The following GLIS1 variants were observed in gnomAD, a reference collection of about 807,000 sequenced individuals.
GLIS1 encodes the protein GLIS family zinc finger 1.
A neutral mutation model predicts 63.8 loss-of-function variants in GLIS1; 24 were observed. That is an observed-to-expected ratio of 0.38 (90% CI 0.27 to 0.53). GLIS1 has a LOEUF of 0.53. Among genes scored for constraint, GLIS1 ranks in the 20% least tolerant of loss-of-function variants. The pLI, the probability that GLIS1 is intolerant of heterozygous loss-of-function variation, is 0.85. For missense variants in GLIS1, 1,036 were observed against 1,074.1 expected (o/e 0.96, Z 0.50); for synonymous variants, 450 against 482.5 (o/e 0.93, Z 0.88).
In GLIS1 at chr1:53,545,890, C is replaced by T. The variant is rs76420577; in HGVS notation, c.1321-15938G>A. 7.9e-4 allele frequency among the ~76,000 whole-genome samples: 121 copies of T among 152,314 alleles called. No individual in the cohort carries two copies. The East Asian group carries it at 0.012, about 15-fold the overall frequency. The stretch of plus-strand genomic sequence containing the variant: ...CCCCTGCTGCATCTGGAGCCAGATC[C>T]GGTCCATGCGCTGGCTCCTGTCCTA... On this transcript the variant is annotated intron_variant, in intron 4 of 10. Transcript: ENST00000628545.
rs1644619874 is a variant in GLIS1, at chr1:53,539,546, A to AT, written c.1321-9595_1321-9594insA. ...CACACACACATACCACACGGTATAC[A>AT]CCCCCCCACACACACTACACATCAT... On this transcript the variant is annotated intron_variant, in intron 4 of 10. Coordinates refer to ENST00000628545, the MANE Select transcript of GLIS1 (RefSeq NM_001367484.1). The surrounding 1 kb of genome is among the most constrained non-coding windows in gnomAD (Gnocchi z 5.0). Among the ~76,000 whole-genome samples the AT allele has an allele frequency of 6.8e-6, 1 of 146,352 alleles. No homozygotes were observed. Among genetic ancestry groups the AT allele is most frequent in the Non-Finnish European group, 1.5e-5 (1 of 66,542 alleles).
chr1:53,623,194 T>C (rs1457116357), intron 2 of GLIS1, among the ~76,000 whole-genome samples: 1 of 152,206 alleles, frequency 6.6e-6, no homozygotes, highest in Non-Finnish European at 1.5e-5. Flanking sequence ...AATTCAGCAA[T>C]ATATATTAAT....
chr1:53,529,721 C>T, intron 5 of GLIS1, 70 bp downstream of exon 5: 1 of 1,509,208 alleles, frequency 6.6e-7, no homozygotes, highest in Non-Finnish European at 9.0e-7. Context: ...GGCAGGGGCT[C>T]TGCACTGAAT....
chr1:53,557,190 G>A lies in GLIS1; in HGVS notation c.1321-27238C>T, dbSNP rs374261371. On this transcript the variant is annotated intron_variant, in intron 4 of 10. Transcript: ENST00000628545. Reference sequence around the variant, plus strand: ...CCAGAATGAGCCCACAGCCATGGCTGGGACTGGAATGAAGTGTGTCCATTC... The same window carrying A: ...CCAGAATGAGCCCACAGCCATGGCTAGGACTGGAATGAAGTGTGTCCATTC... 1.3e-4 allele frequency among the ~76,000 whole-genome samples: 20 copies of A among 152,226 alleles called. 2 individuals are homozygous for A. The South Asian group carries it at 1.9e-3, about 14-fold the overall frequency.
chr1:53,586,380 G>A (rs1364223479), intron 4 of GLIS1, among the ~76,000 whole-genome samples: 7 of 152,192 alleles, frequency 4.6e-5, no homozygotes, highest in African/African-American at 1.7e-4. Context: ...ACAGCCAAGC[G>A]ACGCATCCAA....
intron 4 of GLIS1, among the ~76,000 whole-genome samples, chr1:53,542,954 G>A (rs1644659369): frequency 6.6e-6 from 1 of 152,212 alleles, no homozygotes; most frequent in South Asian, 2.1e-4. Context: ...CCAAAGATGG[G>A]GCAGGATGGT....
chr1:53,672,675 G>T (rs1431992367), intron 2 of GLIS1, among the ~76,000 whole-genome samples: 2 of 152,204 alleles, frequency 1.3e-5, no homozygotes, highest in Non-Finnish European at 2.9e-5. Flanking sequence ...CCTTGCATTT[G>T]CAGGTCTCTG....
At chr1:53,717,252 T>C (rs996716981) in intron 2 of GLIS1, among the ~76,000 whole-genome samples, 5 of 152,200 alleles carry the variant, frequency 3.3e-5, no homozygotes, top group Non-Finnish European at 5.9e-5. Context: ...CTCTATCACC[T>C]CTTTGATGTG....
intron 4 of GLIS1, among the ~76,000 whole-genome samples, chr1:53,577,363 C>G (rs945589215): frequency 2.0e-5 from 3 of 152,146 alleles, no homozygotes; most frequent in Non-Finnish European, 2.9e-5. Flanking sequence ...CTCCCCACCC[C>G]ACCCCATGCA....
chr1:53,581,994 G>T (rs1376318490), intron 4 of GLIS1, among the ~76,000 whole-genome samples: 1 of 152,222 alleles, frequency 6.6e-6, no homozygotes, highest in African/African-American at 2.4e-5. Flanking sequence ...TGAGGACTCA[G>T]AGGGGTGGGA....
intron 4 of GLIS1, among the ~76,000 whole-genome samples, chr1:53,589,566 A>G (rs955336558): frequency 6.6e-6 from 1 of 152,196 alleles, no homozygotes; most frequent in Non-Finnish European, 1.5e-5. Flanking sequence ...GTTAAGGCCA[A>G]TCCGTAATAC....
At chr1:53,645,338 C>A (rs887323379) in intron 2 of GLIS1, among the ~76,000 whole-genome samples, 26 of 152,136 alleles carry the variant, frequency 1.7e-4, no homozygotes, top group African/African-American at 6.3e-4. Context: ...CACTTGTTAC[C>A]AAATGACACA....
intron 2 of GLIS1, among the ~76,000 whole-genome samples, chr1:53,736,725 A>G (rs1384811105): frequency 6.6e-6 from 1 of 152,230 alleles, no homozygotes; most frequent in Non-Finnish European, 1.5e-5. Flanking sequence ...TTCAAAAAAG[A>G]AAAAAACTAC....
At chr1:53,547,758 C>A (rs1179860235) in intron 4 of GLIS1, among the ~76,000 whole-genome samples, 2 of 152,228 alleles carry the variant, frequency 1.3e-5, no homozygotes, top group Non-Finnish European at 2.9e-5. Context: ...TATTTCCCTG[C>A]CCCTCTGCTG....
At chr1:53,609,668 T>C (rs1645406883) in intron 2 of GLIS1, among the ~76,000 whole-genome samples, 1 of 152,250 alleles carries the variant, frequency 6.6e-6, no homozygotes, top group Non-Finnish European at 1.5e-5. Context: ...TATTAGCTTG[T>C]TAGATATACT....
At chr1:53,738,782 A>G (rs886886885) in intron 1 of GLIS1, among the ~76,000 whole-genome samples, 1 of 152,158 alleles carries the variant, frequency 6.6e-6, no homozygotes, top group Non-Finnish European at 1.5e-5. Context: ...CACAGTGGGC[A>G]ATGCCCACGC....
At chr1:53,668,892 T>C (rs988071372) in intron 2 of GLIS1, among the ~76,000 whole-genome samples, 2 of 152,074 alleles carry the variant, frequency 1.3e-5, no homozygotes, top group South Asian at 2.1e-4. Flanking sequence ...ATGGTGAGGG[T>C]TGGGGGCTGA....
intron 2 of GLIS1, among the ~76,000 whole-genome samples, chr1:53,618,487 T>C (rs1645506355): frequency 6.6e-6 from 1 of 152,222 alleles, no homozygotes; most frequent in African/African-American, 2.4e-5. Flanking sequence ...TGGAAACTAA[T>C]GAACATTTCC....
chr1:53,539,532 A>C lies in GLIS1; in HGVS notation c.1321-9580T>G. ...CACACACCACACCACACACACACATACCACACGGTATACACCCCCCCACAC... is the reference window on the plus strand; with the variant it reads ...CACACACCACACCACACACACACATCCCACACGGTATACACCCCCCCACAC... On this transcript the variant is annotated intron_variant, in intron 4 of 10. Transcript: ENST00000628545. This position sits in a 1 kb window ranked among gnomAD's most constrained non-coding sequence, Gnocchi z 5.0. Among the ~76,000 whole-genome samples, 1 of 78,750 alleles carries C rather than the reference A, an allele frequency of 1.3e-5. No homozygotes were observed. 51.7% of individuals were successfully genotyped at this position (78,750 alleles called of 152,430 possible).
Sources: allele counts gnomAD v4.1 joint callset (sites outside exome capture counted in the v4.1 genomes callset), GRCh38; gene constraint gnomAD v4.1.1; non-coding constraint Gnocchi (gnomAD v3.1); transcripts MANE v1.5; gene names NCBI Gene and HGNC (gene_info 2026-07-23, HGNC 2026-07-21).